Variants in LRFN5 observed in about 807,000 individuals in gnomAD.
LRFN5 encodes the protein leucine-rich repeat and fibronectin type-III domain-containing protein 5.
LRFN5 carries 24 observed loss-of-function variants against 45.6 expected under a neutral mutation model. The observed-to-expected ratio is 0.53, with a 90% CI of 0.38 to 0.74. LRFN5 has a LOEUF of 0.74. Ranked by LOEUF, LRFN5 falls within the 30% of genes least tolerant of loss-of-function variation. The probability of loss-of-function intolerance (pLI) is 0.00; values close to 1 mark genes in which losing one functional copy is unlikely to be tolerated. For missense variants in LRFN5, 776 were observed against 861.5 expected (o/e 0.90, Z 1.24); for synonymous variants, 340 against 313.8 (o/e 1.08, Z -0.88).
At chr14:41,693,718 A>C (rs1158528889) in intron 1 of LRFN5, among the ~76,000 whole-genome samples, 1 of 151,908 alleles carries the variant, frequency 6.6e-6, no homozygotes, top group Non-Finnish European at 1.5e-5. Flanking sequence ...ATGTTTTCTG[A>C]GAATAATAAC....
At chr14:41,753,975 G>C (rs562044179) in intron 1 of LRFN5, among the ~76,000 whole-genome samples, 7 of 152,106 alleles carry the variant, frequency 4.6e-5, no homozygotes, top group Non-Finnish European at 8.8e-5. Flanking sequence ...TAGCATGAAG[G>C]GCTGTTGAAT....
At chr14:41,736,949 G>T (rs1336034498) in intron 1 of LRFN5, among the ~76,000 whole-genome samples, 1 of 151,890 alleles carries the variant, frequency 6.6e-6, no homozygotes, top group Admixed American at 6.6e-5. Flanking sequence ...CATTCCTTCT[G>T]AAACTATTCC....
intron 1 of LRFN5, among the ~76,000 whole-genome samples, chr14:41,730,364 C>T (rs1164484467): frequency 6.6e-6 from 1 of 151,930 alleles, no homozygotes; most frequent in African/African-American, 2.4e-5. Flanking sequence ...TGATAATATG[C>T]AAACTTACTT....
intron 1 of LRFN5, among the ~76,000 whole-genome samples, chr14:41,745,319 A>G (rs966327965): frequency 6.6e-6 from 1 of 152,150 alleles, no homozygotes; most frequent in Non-Finnish European, 1.5e-5. Flanking sequence ...AAATTAGAAA[A>G]TACTTAGCAA....
At chr14:41,826,505 T>C (rs1888300375) in intron 2 of LRFN5, among the ~76,000 whole-genome samples, 1 of 152,158 alleles carries the variant, frequency 6.6e-6, no homozygotes, top group Non-Finnish European at 1.5e-5. Flanking sequence ...ACCATAACTA[T>C]CTCAGCTGTT....
chr14:41,661,406 A>G (rs1262859785), intron 1 of LRFN5, among the ~76,000 whole-genome samples: 1 of 152,056 alleles, frequency 6.6e-6, no homozygotes. Context: ...ATATAAATCT[A>G]TCTTGTTAAC....
At chr14:41,744,405 C>A (rs556010535) in intron 1 of LRFN5, among the ~76,000 whole-genome samples, 2 of 151,978 alleles carry the variant, frequency 1.3e-5, no homozygotes, top group East Asian at 3.9e-4. Context: ...TAAATTTAAC[C>A]ATTTCAATAC....
At chr14:41,712,119 G>A (rs949742162) in intron 1 of LRFN5, among the ~76,000 whole-genome samples, 8 of 152,162 alleles carry the variant, frequency 5.3e-5, no homozygotes, top group African/African-American at 1.9e-4. Flanking sequence ...GAATATGCAA[G>A]AAAGACTGAG....
At chr14:41,803,289 C>T (rs924543849) in intron 2 of LRFN5, among the ~76,000 whole-genome samples, 7 of 151,912 alleles carry the variant, frequency 4.6e-5, no homozygotes, top group Non-Finnish European at 1.0e-4. Flanking sequence ...ACATACCGTA[C>T]CTACAGTAAT....
At chr14:41,669,655 ATAAT>A (rs1881073165) in intron 1 of LRFN5, among the ~76,000 whole-genome samples, 1 of 152,040 alleles carries the variant, frequency 6.6e-6, no homozygotes, top group African/African-American at 2.4e-5. Flanking sequence ...TGAAAGAAGT[ATAAT>A]TAGTGAAACA....
chr14:41,857,691 A>G lies in LRFN5; in HGVS notation c.-20-28915A>G, dbSNP rs543711066. Among the ~76,000 whole-genome samples, 15 of 152,342 alleles carry G rather than the reference A, an allele frequency of 9.8e-5. No individual in the cohort carries two copies. In the South Asian group the frequency reaches 3.1e-3, roughly 32 times the overall value. On this transcript the variant is annotated intron_variant, in intron 2 of 5. Coordinates refer to ENST00000298119, the MANE Select transcript of LRFN5 (RefSeq NM_152447.5). Reference sequence around the variant, plus strand: ...CACATACTCTGGACTTGTTCATCACACAATTTGGAGACACAAATCTGAAAA... The same window carrying G: ...CACATACTCTGGACTTGTTCATCACGCAATTTGGAGACACAAATCTGAAAA...
intron 1 of LRFN5, among the ~76,000 whole-genome samples, chr14:41,639,725 T>G (rs17112158): frequency 0.021 from 3,252 of 152,166 alleles, 106 homozygotes; most frequent in African/African-American, 0.071. Context: ...TAAAAACTGT[T>G]GCATTGATGG....
At chr14:41,675,414 A>G (rs1385243821) in intron 1 of LRFN5, among the ~76,000 whole-genome samples, 1 of 152,240 alleles carries the variant, frequency 6.6e-6, no homozygotes, top group African/African-American at 2.4e-5. Flanking sequence ...CAGCCCGGCC[A>G]ACACAGCGAA....
chr14:41,888,120 A>G (rs1276286390), intron 3 of LRFN5, 110 bp downstream of exon 3: 2 of 840,200 alleles, frequency 2.4e-6, no homozygotes, highest in East Asian at 2.7e-5. Context: ...TTGTAATTCC[A>G]TATTTTAAAG....
intron 2 of LRFN5, among the ~76,000 whole-genome samples, chr14:41,808,543 GAGGGATGAAGGAAGGAAGGAAGGA>G (rs1887619025): frequency 7.0e-5 from 1 of 14,292 alleles, no homozygotes; most frequent in Non-Finnish European, 1.2e-4. Flanking sequence ...GGAAGGAAGG[GAGGGATGAAGGAAGGAAGGAAGGA>G]AGGAAGGAAG....
intron 1 of LRFN5, among the ~76,000 whole-genome samples, chr14:41,624,080 A>G (rs1888236427): frequency 6.6e-6 from 1 of 152,104 alleles, no homozygotes; most frequent in African/African-American, 2.4e-5. Context: ...TCTACAACTA[A>G]GATGTTTCAG....
intron 2 of LRFN5, among the ~76,000 whole-genome samples, chr14:41,787,110 C>A (rs146996086): frequency 1.3e-5 from 2 of 150,676 alleles, no homozygotes; most frequent in Non-Finnish European, 2.9e-5. Context: ...CTCTTTTCTG[C>A]ATTTTCTTCT....
intron 1 of LRFN5, among the ~76,000 whole-genome samples, chr14:41,697,948 G>A (rs1882685842): frequency 6.6e-6 from 1 of 151,984 alleles, no homozygotes. Flanking sequence ...GGCAAGGGAT[G>A]AGGTAGAGAA....
intron 1 of LRFN5, among the ~76,000 whole-genome samples, chr14:41,621,811 A>G (rs941534165): frequency 3.3e-5 from 5 of 152,140 alleles, no homozygotes; most frequent in African/African-American, 1.2e-4. Context: ...TGCAACTTTC[A>G]GCTCTGATTT....
Sources: gnomAD v4.1 joint callset for allele counts (sites outside exome capture counted in the v4.1 genomes callset) on GRCh38, gnomAD v4.1.1 for gene constraint, MANE v1.5 for transcripts, NCBI Gene and HGNC (gene_info 2026-07-23, HGNC 2026-07-21) for gene names.